The following GABRB1 variants were observed in gnomAD, a reference collection of about 807,000 sequenced individuals.
GABRB1 encodes the protein gamma-aminobutyric acid receptor subunit beta-1.
In GABRB1, 17 loss-of-function variants were observed where a neutral mutation model predicts 51.6. The observed-to-expected ratio is 0.33, with a 90% CI of 0.23 to 0.49. GABRB1 has a LOEUF of 0.49. Among genes scored for constraint, GABRB1 ranks in the 20% least tolerant of loss-of-function variants. The pLI, the probability that GABRB1 is intolerant of heterozygous loss-of-function variation, is 0.99. For synonymous variants in GABRB1, 247 were observed against 218.9 expected (o/e 1.13, Z -1.14); for missense variants, 410 against 600.6 (o/e 0.68, Z 3.32).
chr4:47,204,487 C>G (rs867400036), intron 4 of GABRB1, among the ~76,000 whole-genome samples: 2 of 152,024 alleles, frequency 1.3e-5, no homozygotes, highest in Admixed American at 1.3e-4. Context: ...CTCTGCTCCC[C>G]CTAACCCTAA....
At chr4:47,254,189 G>A (rs1326407931) in intron 4 of GABRB1, among the ~76,000 whole-genome samples, 5 of 151,946 alleles carry the variant, frequency 3.3e-5, no homozygotes, top group Non-Finnish European at 7.4e-5. Context: ...CAAAGAATAT[G>A]CTATCAGAAA....
At chr4:47,378,982 A>T (rs995942036) in intron 5 of GABRB1, among the ~76,000 whole-genome samples, 3 of 152,108 alleles carry the variant, frequency 2.0e-5, no homozygotes, top group African/African-American at 4.8e-5. Context: ...GGCGTGATAG[A>T]TTCAAAATGA....
At chr4:47,092,845 C>T (rs1415345420) in intron 3 of GABRB1, among the ~76,000 whole-genome samples, 1 of 152,088 alleles carries the variant, frequency 6.6e-6, no homozygotes, top group Admixed American at 6.6e-5. Flanking sequence ...GAACTCCTGA[C>T]CTCGTGATTC....
intron 4 of GABRB1, among the ~76,000 whole-genome samples, chr4:47,269,647 T>G (rs1245648586): frequency 1.3e-5 from 2 of 152,128 alleles, no homozygotes; most frequent in East Asian, 3.8e-4. Flanking sequence ...TATTCTATGT[T>G]TTTATGCTCT....
intron 3 of GABRB1, among the ~76,000 whole-genome samples, chr4:47,136,773 A>G (rs1252506617): frequency 6.6e-6 from 1 of 152,124 alleles, no homozygotes; most frequent in African/African-American, 2.4e-5. Flanking sequence ...CCACAGATCC[A>G]TATATGCATA....
chr4:47,246,297 T>G (rs1269836046), intron 4 of GABRB1, among the ~76,000 whole-genome samples: 1 of 89,350 alleles, frequency 1.1e-5, no homozygotes, highest in African/African-American at 4.5e-5. Context: ...TATATATATA[T>G]ATACACACAC....
At chr4:47,361,649 T>C (rs1298814413) in intron 5 of GABRB1, among the ~76,000 whole-genome samples, 2 of 152,110 alleles carry the variant, frequency 1.3e-5, no homozygotes, top group African/African-American at 4.8e-5. Context: ...AAAATGGTTA[T>C]GGCAGTGGTG....
intron 3 of GABRB1, among the ~76,000 whole-genome samples, chr4:47,115,600 T>C (rs1428015210): frequency 6.6e-6 from 1 of 152,110 alleles, no homozygotes; most frequent in African/African-American, 2.4e-5. Context: ...GGTGTTATGT[T>C]CTAGGAAATA....
rs749444063 is a variant in GABRB1 at position 47,320,114 on chromosome 4, T to A, written c.462-13T>A. 1 of 1,540,430 alleles carries A rather than the reference T, an allele frequency of 6.5e-7. No individual in the cohort carries two copies. Among genetic ancestry groups the A allele is most frequent in the Non-Finnish European group, 9.0e-7 (1 of 1,112,746 alleles). ...TTTGTAATGTTTTCTTTTTTCTCTC[T>A]CCTCTCTATCAGAATCACAACCACA... is the stretch of plus-strand genomic sequence containing the variant. On this transcript the variant is annotated splice_polypyrimidine_tract_variant and intron_variant, in intron 4 of 8. Coordinates refer to ENST00000295454, the MANE Select transcript of GABRB1 (RefSeq NM_000812.4).
chr4:47,109,671 G>C (rs1715134685), intron 3 of GABRB1, among the ~76,000 whole-genome samples: 1 of 152,082 alleles, frequency 6.6e-6, no homozygotes, highest in Admixed American at 6.6e-5. Flanking sequence ...GATGTCTAAG[G>C]GGAGATATTT....
intron 5 of GABRB1, among the ~76,000 whole-genome samples, chr4:47,380,637 A>C (rs1727563225): frequency 6.6e-6 from 1 of 152,236 alleles, no homozygotes; most frequent in Non-Finnish European, 1.5e-5. Context: ...AATTCTTTGA[A>C]GAAAAAGAGT....
chr4:47,122,463 G>T (rs564725082), intron 3 of GABRB1, among the ~76,000 whole-genome samples: 2 of 152,150 alleles, frequency 1.3e-5, no homozygotes, highest in Non-Finnish European at 2.9e-5. Flanking sequence ...TAGCCGTAAA[G>T]TTGTCAACTG....
At chr4:47,347,915 A>G (rs1173092300) in intron 5 of GABRB1, among the ~76,000 whole-genome samples, 1 of 152,228 alleles carries the variant, frequency 6.6e-6, no homozygotes, top group East Asian at 1.9e-4. Flanking sequence ...GCATGCATTC[A>G]TAATAGAACA....
intron 3 of GABRB1, among the ~76,000 whole-genome samples, chr4:47,146,948 T>C (rs1433686786): frequency 6.6e-6 from 1 of 152,120 alleles, no homozygotes; most frequent in East Asian, 1.9e-4. Context: ...AATTAGGAAT[T>C]TGATTGGTTG....
rs868287890 is a variant in GABRB1, at chr4:47,188,498, G to A, written c.461+27029G>A. 7.2e-5 allele frequency among the ~76,000 whole-genome samples: 11 copies of A among 151,922 alleles called. No homozygotes were observed. The South Asian group carries it at 1.7e-3, about 23-fold the overall frequency. On this transcript the variant is annotated intron_variant, in intron 4 of 8. Coordinates refer to ENST00000295454, the MANE Select transcript of GABRB1 (RefSeq NM_000812.4). ...AAGGTAAATAATGTTGTGTTTGTTA[G>A]ACTGCAATCAATAGTCCCCTCTGGA...
intron 3 of GABRB1, among the ~76,000 whole-genome samples, chr4:47,063,077 G>A (rs1726907897): frequency 2.0e-5 from 3 of 152,066 alleles, no homozygotes; most frequent in Non-Finnish European, 2.9e-5. Flanking sequence ...AAAATCCAAA[G>A]ATTTTATATA....
chr4:47,262,184 T>C (rs984128930), intron 4 of GABRB1, among the ~76,000 whole-genome samples: 1 of 151,494 alleles, frequency 6.6e-6, no homozygotes, highest in Middle Eastern at 3.2e-3. Flanking sequence ...AAAGCCAAAA[T>C]TGACAAATGG....
intron 3 of GABRB1, among the ~76,000 whole-genome samples, chr4:47,072,316 C>G (rs1248626297): frequency 6.6e-6 from 1 of 152,056 alleles, no homozygotes; most frequent in Non-Finnish European, 1.5e-5. Context: ...CTGGAATGTA[C>G]ATTGTTGAGG....
At chr4:47,376,327 A>C (rs999363335) in intron 5 of GABRB1, among the ~76,000 whole-genome samples, 1 of 152,204 alleles carries the variant, frequency 6.6e-6, no homozygotes, top group Non-Finnish European at 1.5e-5. Context: ...AAGGCCAAAA[A>C]GGGCCCAGAG....
Sources: allele counts gnomAD v4.1 joint callset (sites outside exome capture counted in the v4.1 genomes callset), GRCh38; gene constraint gnomAD v4.1.1; transcripts MANE v1.5; gene names NCBI Gene and HGNC (gene_info 2026-07-23, HGNC 2026-07-21).